PARD3B: variants seen among roughly 807,000 people sequenced by gnomAD.
The protein encoded by PARD3B is par-3 family cell polarity regulator beta.
A neutral mutation model predicts 130.2 loss-of-function variants in PARD3B; 103 were observed. The ratio of observed to expected loss-of-function variants is 0.79; its 90% CI spans 0.67 to 0.93. The LOEUF (loss-of-function observed/expected upper bound fraction) is 0.93. Among genes scored for constraint, PARD3B ranks in the 40% least tolerant of loss-of-function variants. PARD3B has a pLI of 0.00. For synonymous variants in PARD3B, 583 were observed against 553.2 expected (o/e 1.05, Z -0.76); for missense variants, 1,609 against 1,499.2 (o/e 1.07, Z -1.21).
rs2051522933 is a variant in PARD3B, at chr2:205,530,121, C to T, written c.3181-23203C>T. ...CCACAAGATGCAAAAGAGTGGCACA[C>T]AGGAGCATGTGGAAAGGAAATAATA... On this transcript the variant is annotated intron_variant, in intron 21 of 22. Coordinates refer to ENST00000406610, the MANE Select transcript of PARD3B (RefSeq NM_001302769.2). The surrounding 1 kb of genome is among the most constrained non-coding windows in gnomAD (Gnocchi z 4.7). 6.6e-6 allele frequency among the ~76,000 whole-genome samples: 1 copy of T among 152,168 alleles called. No individual in the cohort carries two copies. The highest frequency in any genetic ancestry group is 2.4e-5 in the African/African-American group (1 of 41,440).
intron 18 of PARD3B, among the ~76,000 whole-genome samples, chr2:205,338,208 A>T (rs1425124086): frequency 1.4e-5 from 2 of 146,176 alleles, no homozygotes; most frequent in African/African-American, 2.5e-5. Flanking sequence ...GTCATCTGTG[A>T]TGGGGAAAGA....
chr2:204,852,270 A>T (rs1428784972), intron 2 of PARD3B, among the ~76,000 whole-genome samples: 3 of 151,226 alleles, frequency 2.0e-5, no homozygotes, highest in Non-Finnish European at 4.4e-5. Flanking sequence ...TTTAATTTTC[A>T]TTATTGCCCT....
intron 20 of PARD3B, among the ~76,000 whole-genome samples, chr2:205,487,759 G>A (rs1409832538): frequency 6.6e-6 from 1 of 152,166 alleles, no homozygotes; most frequent in Non-Finnish European, 1.5e-5. Context: ...GACCCTGAAA[G>A]TTTAATCCCC....
At chr2:204,918,701 T>A (rs1006991898) in intron 2 of PARD3B, among the ~76,000 whole-genome samples, 3 of 152,132 alleles carry the variant, frequency 2.0e-5, no homozygotes, top group African/African-American at 7.2e-5. Context: ...GCAAAGGTTA[T>A]AGAAAAATAA....
chr2:204,801,328 G>A (rs2042560379), intron 2 of PARD3B, among the ~76,000 whole-genome samples: 1 of 152,084 alleles, frequency 6.6e-6, no homozygotes, highest in Admixed American at 6.6e-5. Flanking sequence ...TCACAGTATT[G>A]GTTCTTCCTA....
intron 21 of PARD3B, among the ~76,000 whole-genome samples, chr2:205,521,080 A>C (rs1166537328): frequency 6.6e-6 from 1 of 151,542 alleles, no homozygotes; most frequent in Non-Finnish European, 1.5e-5. Flanking sequence ...AAAGTTGTTA[A>C]GTTTATATTC....
intron 20 of PARD3B, among the ~76,000 whole-genome samples, chr2:205,490,350 G>A (rs1395482122): frequency 3.3e-5 from 5 of 151,740 alleles, no homozygotes; most frequent in East Asian, 1.9e-4. Flanking sequence ...ACCTATGAGC[G>A]AGAACGTGCG....
intron 22 of PARD3B, among the ~76,000 whole-genome samples, chr2:205,573,589 G>T (rs1272865956): frequency 1.3e-5 from 2 of 152,172 alleles, no homozygotes; most frequent in Non-Finnish European, 2.9e-5. Flanking sequence ...TGAATCCTTG[G>T]AAGAGTATTT....
At chr2:205,487,254 T>C (rs1350764805) in intron 20 of PARD3B, among the ~76,000 whole-genome samples, 5 of 152,222 alleles carry the variant, frequency 3.3e-5, no homozygotes. Context: ...CTTCTTTCAA[T>C]TGAAAAATGT....
chr2:204,849,952 T>C (rs2044641526), intron 2 of PARD3B, among the ~76,000 whole-genome samples: 1 of 152,166 alleles, frequency 6.6e-6, no homozygotes, highest in South Asian at 2.1e-4. Context: ...GCATAGCAAA[T>C]GAAATAAATT....
At chr2:205,447,292 G>A (rs897000675) in intron 20 of PARD3B, among the ~76,000 whole-genome samples, 3 of 137,056 alleles carry the variant, frequency 2.2e-5, no homozygotes, top group Admixed American at 1.3e-4. Context: ...GACCTATCCT[G>A]CTTTTGCTCA....
At position 205,558,694 on chromosome 2, in the gene PARD3B, G is replaced by T. The variant is rs1235771164; in HGVS notation, c.3260+5291G>T. On this transcript the variant is annotated intron_variant, in intron 22 of 22. Coordinates refer to ENST00000406610, the MANE Select transcript of PARD3B (RefSeq NM_001302769.2). This position sits in a 1 kb window ranked among gnomAD's most constrained non-coding sequence, Gnocchi z 4.8. ...TCTCTGTGCCGTCTCCTCCATTCCT[G>T]CCAATTCAATGCCCGTCTCTATGAT... 6.6e-6 allele frequency among the ~76,000 whole-genome samples: 1 copy of T among 151,926 alleles called. No homozygotes were observed. The highest frequency in any genetic ancestry group is 1.5e-5 in the Non-Finnish European group (1 of 67,986).
At chr2:204,710,560 G>C (rs1355998380) in intron 2 of PARD3B, among the ~76,000 whole-genome samples, 1 of 152,146 alleles carries the variant, frequency 6.6e-6, no homozygotes, top group African/African-American at 2.4e-5. Context: ...GCACTCATTG[G>C]GGCTGTGTCC....
At chr2:205,052,625 C>T (rs1699304658) in intron 4 of PARD3B, among the ~76,000 whole-genome samples, 1 of 151,300 alleles carries the variant, frequency 6.6e-6, no homozygotes, top group Admixed American at 6.6e-5. Flanking sequence ...AAAAAATCAA[C>T]CACTGTTTGG....
At chr2:205,099,038 G>C (rs1354334912) in intron 4 of PARD3B, among the ~76,000 whole-genome samples, 1 of 152,072 alleles carries the variant, frequency 6.6e-6, no homozygotes, top group Non-Finnish European at 1.5e-5. Context: ...AAGTGGTAAA[G>C]GGCAAACATC....
At chr2:205,110,266 T>G (rs1251310468) in intron 5 of PARD3B, among the ~76,000 whole-genome samples, 1 of 152,184 alleles carries the variant, frequency 6.6e-6, no homozygotes, top group Non-Finnish European at 1.5e-5. Flanking sequence ...CTATTGTATA[T>G]TTTTCCCTCA....
chr2:205,141,686 G>A (rs2032967936), intron 10 of PARD3B, among the ~76,000 whole-genome samples: 1 of 152,066 alleles, frequency 6.6e-6, no homozygotes, highest in Admixed American at 6.5e-5. Flanking sequence ...CACTATTATG[G>A]CAATGGAAAA....
At chr2:205,189,725 C>T (rs951752275) in intron 14 of PARD3B, among the ~76,000 whole-genome samples, 3 of 152,166 alleles carry the variant, frequency 2.0e-5, no homozygotes, top group Non-Finnish European at 4.4e-5. Context: ...TAACTCAATA[C>T]GGCACTCACT....
At chr2:205,523,752 G>T (rs1559176898) in intron 21 of PARD3B, among the ~76,000 whole-genome samples, 1 of 149,406 alleles carries the variant, frequency 6.7e-6, no homozygotes, top group South Asian at 2.1e-4. Context: ...TTTAATGCCA[G>T]TCCTTCCTTG....
Sources: gnomAD v4.1 joint callset for allele counts (sites outside exome capture counted in the v4.1 genomes callset) on GRCh38, gnomAD v4.1.1 for gene constraint, Gnocchi (gnomAD v3.1) non-coding constraint, MANE v1.5 for transcripts, NCBI Gene and HGNC (gene_info 2026-07-23, HGNC 2026-07-21) for gene names.